LHPP: variants seen among roughly 807,000 people sequenced by gnomAD.
The protein encoded by LHPP is phospholysine phosphohistidine inorganic pyrophosphate phosphatase.
In LHPP, 24 loss-of-function variants were observed where a neutral mutation model predicts 30.3. The observed-to-expected ratio is 0.79, with a 90% CI of 0.57 to 1.11. LHPP has a LOEUF of 1.11. LHPP is among the 50% of genes most tolerant of loss of function. LHPP has a pLI of 0.00. For missense variants in LHPP, 356 were observed against 367.2 expected, an observed-to-expected ratio of 0.97 and a Z score of 0.25; for synonymous variants, 150 against 157.1, an observed-to-expected ratio of 0.95 and a Z score of 0.34.
rs1046422221 is a variant in LHPP, at chr10:124,501,601, TAAA to T, written c.624+3491_624+3493del. ...TGGGCGACAGAGCCAGACTCTGTCT[TAAA>T]AAAAAAAAAAAAAAAAAGAAAAATA... On this transcript the variant is annotated intron_variant, in intron 5 of 6. Transcript: ENST00000368842. 9.3e-4 allele frequency among the ~76,000 whole-genome samples: 108 copies of T among 116,388 alleles called. 1 individual carries two copies. Among genetic ancestry groups the T allele is most frequent in the African/African-American group, 3.4e-3 (103 of 30,316 alleles). 76.4% of individuals were successfully genotyped at this position (116,388 alleles called of 152,430 possible).
intron 6 of LHPP, among the ~76,000 whole-genome samples, chr10:124,549,122 C>T (rs1589854631): frequency 6.6e-6 from 1 of 152,168 alleles, no homozygotes; most frequent in African/African-American, 2.4e-5. Context: ...TTTTCCGCAA[C>T]GCATTGTGGA....
chr10:124,612,007 C>G (rs1949208085), intron 6 of LHPP, among the ~76,000 whole-genome samples: 1 of 152,224 alleles, frequency 6.6e-6, no homozygotes, highest in Admixed American at 6.5e-5. Flanking sequence ...TCCAGCGGCA[C>G]CTCTGTGGGT....
chr10:124,527,062 C>G (rs1223302016), intron 6 of LHPP, among the ~76,000 whole-genome samples: 1 of 152,226 alleles, frequency 6.6e-6, no homozygotes, highest in African/African-American at 2.4e-5. Context: ...GCCTGCCCGC[C>G]ACAGAGCCCC....
At chr10:124,503,176 C>T (rs927197163) in intron 5 of LHPP, among the ~76,000 whole-genome samples, 6 of 151,936 alleles carry the variant, frequency 3.9e-5, no homozygotes, top group Non-Finnish European at 8.8e-5. Flanking sequence ...AAGCAATTCT[C>T]CTGCCTCAGC....
intron 5 of LHPP, among the ~76,000 whole-genome samples, chr10:124,512,226 C>G (rs1300959669): frequency 3.9e-5 from 6 of 152,210 alleles, no homozygotes; most frequent in African/African-American, 1.4e-4. Context: ...ATCAAGTAAC[C>G]AGGGCAAGGG....
chr10:124,560,066 C>T (rs1948368781), intron 6 of LHPP, among the ~76,000 whole-genome samples: 1 of 152,236 alleles, frequency 6.6e-6, no homozygotes, highest in Non-Finnish European at 1.5e-5. Flanking sequence ...GGAGTCCTGC[C>T]TTGGCACAGC....
At chr10:124,611,427 CGTG>C (rs1949196236) in intron 6 of LHPP, among the ~76,000 whole-genome samples, 3 of 151,658 alleles carry the variant, frequency 2.0e-5, no homozygotes, top group East Asian at 3.9e-4. Context: ...ATGTGAGGCT[CGTG>C]AGTGCTGTGC....
chr10:124,463,544 G>A (rs1423355155), intron 1 of LHPP, among the ~76,000 whole-genome samples: 1 of 151,490 alleles, frequency 6.6e-6, no homozygotes, highest in African/African-American at 2.4e-5. Flanking sequence ...TGTATTTTTG[G>A]TAGACATGGG....
chr10:124,512,329 T>G (rs905840570), intron 5 of LHPP, among the ~76,000 whole-genome samples: 2 of 152,122 alleles, frequency 1.3e-5, no homozygotes, highest in Non-Finnish European at 2.9e-5. Flanking sequence ...CTTTGTAACA[T>G]GTTTAGGCCG....
intron 6 of LHPP, among the ~76,000 whole-genome samples, chr10:124,575,843 G>A (rs1462019635): frequency 6.6e-6 from 1 of 152,208 alleles, no homozygotes; most frequent in African/African-American, 2.4e-5. Context: ...ATGAGTGAGT[G>A]AAGGAAAGGC....
chr10:124,602,377 G>GT (rs1949035117), intron 6 of LHPP, among the ~76,000 whole-genome samples: 1 of 152,248 alleles, frequency 6.6e-6, no homozygotes, highest in Non-Finnish European at 1.5e-5. Flanking sequence ...GCCCATTGTG[G>GT]TATCGCTGAT....
intron 6 of LHPP, among the ~76,000 whole-genome samples, chr10:124,560,909 G>A (rs922664356): frequency 1.3e-5 from 2 of 152,190 alleles, no homozygotes; most frequent in African/African-American, 4.8e-5. Context: ...CAGCAAGATG[G>A]AGCAGAAGTG....
At chr10:124,498,665 T>A in intron 5 of LHPP, 2 of 339,300 alleles carry the variant, frequency 5.9e-6, no homozygotes, top group Non-Finnish European at 5.6e-6. Context: ...TTTTTCTTTT[T>A]TTTTTTTTTT....
intron 5 of LHPP, among the ~76,000 whole-genome samples, chr10:124,502,407 C>G (rs766611631): frequency 2.6e-5 from 4 of 151,794 alleles, no homozygotes; most frequent in African/African-American, 4.9e-5. Flanking sequence ...CTGTGTCACC[C>G]AGGCTGGAGT....
intron 1 of LHPP, among the ~76,000 whole-genome samples, chr10:124,465,707 A>G (rs1418426538): frequency 6.6e-6 from 1 of 152,142 alleles, no homozygotes; most frequent in African/African-American, 2.4e-5. Flanking sequence ...GACTACAGGC[A>G]TATGCCACCG....
intron 3 of LHPP, among the ~76,000 whole-genome samples, chr10:124,488,985 C>T (rs1323249852): frequency 6.6e-6 from 1 of 152,140 alleles, no homozygotes; most frequent in East Asian, 1.9e-4. Context: ...AAAACATAGG[C>T]TTGAGGGCCT....
chr10:124,567,615 C>G (rs10901762), intron 6 of LHPP, among the ~76,000 whole-genome samples: 1 of 152,232 alleles, frequency 6.6e-6, no homozygotes, highest in Admixed American at 6.5e-5. Context: ...TGACAAGGGG[C>G]GGCACTGCTG....
chr10:124,555,493 A>AC (rs1395309653), intron 6 of LHPP, among the ~76,000 whole-genome samples: 1 of 151,894 alleles, frequency 6.6e-6, no homozygotes, highest in Non-Finnish European at 1.5e-5. Context: ...TACCCACCCA[A>AC]CCTGTGTCCC....
chr10:124,575,791 C>T (rs1391656115), intron 6 of LHPP, among the ~76,000 whole-genome samples: 1 of 152,148 alleles, frequency 6.6e-6, no homozygotes, highest in Non-Finnish European at 1.5e-5. Context: ...ACTTGCATCC[C>T]GGTCCCCCAC....
Sources: gnomAD v4.1 joint callset for allele counts (sites outside exome capture counted in the v4.1 genomes callset) on GRCh38, gnomAD v4.1.1 for gene constraint, MANE v1.5 for transcripts, NCBI Gene and HGNC (gene_info 2026-07-23, HGNC 2026-07-21) for gene names.